EFCAB8: variants seen among roughly 807,000 people sequenced by gnomAD.
The protein encoded by EFCAB8 is EF-hand calcium-binding domain-containing protein 8.
In EFCAB8, 100 loss-of-function variants were observed where a neutral mutation model predicts 116.3. That is an observed-to-expected ratio of 0.86 (90% CI 0.73 to 1.02). The LOEUF is 1.02. EFCAB8 is among the 50% of genes least tolerant of loss of function. EFCAB8 has a pLI of 0.00. For synonymous variants in EFCAB8, 558 were observed against 567.9 expected, an observed-to-expected ratio of 0.98 and a Z score of 0.25; for missense variants, 1,320 against 1,416.9, an observed-to-expected ratio of 0.93 and a Z score of 1.10.
intron 13 of EFCAB8, 25 bp from the exon 14 acceptor site, chr20:32,908,250 G>C: frequency 8.0e-7 from 1 of 1,249,636 alleles, no homozygotes; most frequent in Non-Finnish European, 1.0e-6. Flanking sequence ...CATGCTCAGC[G>C]TCTTGCCTTT....
intron 22 of EFCAB8, among the ~76,000 whole-genome samples, chr20:32,938,238 A>G (rs891457145): frequency 6.7e-6 from 1 of 150,240 alleles, no homozygotes; most frequent in African/African-American, 2.5e-5. Flanking sequence ...AGATGCAAAA[A>G]GAGCATTTAA....
intron 23 of EFCAB8, among the ~76,000 whole-genome samples, chr20:32,951,509 A>G (rs559162170): frequency 6.6e-6 from 1 of 152,172 alleles, no homozygotes; most frequent in Non-Finnish European, 1.5e-5. Flanking sequence ...ATGCAAACAA[A>G]TGTGTAGTGT....
At chr20:32,893,357 G>A in intron 9 of EFCAB8, 59 bp downstream of exon 9, 1 of 1,546,720 alleles carries the variant, frequency 6.5e-7, no homozygotes. Flanking sequence ...TGTGGGTGCT[G>A]AGGTCATCCT....
intron 13 of EFCAB8, 89 bp from the exon 14 acceptor site, chr20:32,908,186 T>C (rs1210496069): frequency 1.1e-5 from 13 of 1,207,360 alleles, no homozygotes; most frequent in African/African-American, 1.6e-5. Flanking sequence ...TGCCCTGGCC[T>C]TGTTCGCCGG....
chr20:32,880,066 A>G (rs1306281765), intron 5 of EFCAB8, among the ~76,000 whole-genome samples: 3 of 152,114 alleles, frequency 2.0e-5, no homozygotes. Flanking sequence ...GCAGGTGGCC[A>G]GGCAGGGAGC....
intron 20 of EFCAB8, 147 bp downstream of exon 20, chr20:32,920,362 C>A: frequency 8.8e-7 from 1 of 1,134,130 alleles, no homozygotes; most frequent in Non-Finnish European, 1.2e-6. Context: ...AGGATGGAGA[C>A]GCTCAGGATA....
At chr20:32,919,510 T>C (rs954649142) in intron 19 of EFCAB8, among the ~76,000 whole-genome samples, 1 of 152,120 alleles carries the variant, frequency 6.6e-6, no homozygotes, top group Non-Finnish European at 1.5e-5. Flanking sequence ...TTATTTTTAT[T>C]TTTTGAGATG....
chr20:32,911,418 A>G (rs1266152743), intron 15 of EFCAB8, 62 bp from the exon 16 acceptor site: 49 of 1,379,712 alleles, frequency 3.6e-5, no homozygotes, highest in Non-Finnish European at 4.1e-5. Context: ...CAGGCTGGAG[A>G]CCACCCTTGG....
intron 6 of EFCAB8, among the ~76,000 whole-genome samples, chr20:32,888,121 T>C (rs533314560): frequency 6.6e-6 from 1 of 151,140 alleles, no homozygotes; most frequent in South Asian, 2.1e-4. Context: ...TGGAGTGGAG[T>C]GGTGCAATCA....
chr20:32,909,517 A>G (rs540025562), intron 14 of EFCAB8, among the ~76,000 whole-genome samples: 34 of 152,116 alleles, frequency 2.2e-4, no homozygotes, highest in Non-Finnish European at 3.7e-4. Context: ...GGCTTCCCGG[A>G]GGGAACACCT....
intron 11 of EFCAB8, among the ~76,000 whole-genome samples, chr20:32,904,992 T>TG (rs1986608827): frequency 6.6e-6 from 1 of 152,104 alleles, no homozygotes; most frequent in African/African-American, 2.4e-5. Flanking sequence ...ATGAGAGGCA[T>TG]GGGCATAGGC....
chr20:32,952,551 G>A, intron 23 of EFCAB8, among the ~76,000 whole-genome samples: 1 of 152,000 alleles, frequency 6.6e-6, no homozygotes, highest in South Asian at 2.1e-4. Context: ...TTTGTTATTG[G>A]CCACTCATAC....
chr20:32,890,796 G>A (rs559239444), intron 7 of EFCAB8, among the ~76,000 whole-genome samples: 2 of 152,376 alleles, frequency 1.3e-5, no homozygotes, highest in South Asian at 4.1e-4. Flanking sequence ...ACCTCCCAGT[G>A]CCTCGCTTTA....
At chr20:32,870,105 A>C (rs774164468) in intron 3 of EFCAB8, among the ~76,000 whole-genome samples, 1 of 152,200 alleles carries the variant, frequency 6.6e-6, no homozygotes, top group Non-Finnish European at 1.5e-5. Flanking sequence ...GAGATTTACA[A>C]CCACACTGTG....
intron 23 of EFCAB8, among the ~76,000 whole-genome samples, chr20:32,945,929 C>G (rs562179815): frequency 6.6e-6 from 1 of 152,292 alleles, no homozygotes; most frequent in South Asian, 2.1e-4. Flanking sequence ...TTCTCTAGAG[C>G]GGCTACAAGC....
chr20:32,946,553 C>A (rs1988601609), intron 23 of EFCAB8, among the ~76,000 whole-genome samples: 1 of 152,010 alleles, frequency 6.6e-6, no homozygotes, highest in South Asian at 2.1e-4. Context: ...CTGATGTCAC[C>A]CATTTTTTTG....
rs1265192426 is a variant in EFCAB8 at position 32,959,973 on chromosome 20, G to A, written c.3285G>A (p.Arg1095=). 6.4e-7 allele frequency: 1 copy of A among 1,551,540 alleles called. No individual in the cohort carries two copies. Among genetic ancestry groups the A allele is most frequent in the Non-Finnish European group, 8.7e-7 (1 of 1,146,976 alleles). ...ACAGCTGGAACAAGTGGGAGTCCAG[G>A]GACAAGCAGGTGAGGCTGGGAGGGG... The part of the protein sequence containing the change: ...IEDSWNKWES[R]DKQVSKVLGA... Residue 1095 remains arginine (R), a synonymous_variant, in exon 25 of 27, where the codon AGG becomes AGA. Transcript: ENST00000400522.
At chr20:32,933,457 C>T (rs1987984299) in intron 22 of EFCAB8, among the ~76,000 whole-genome samples, 1 of 152,180 alleles carries the variant, frequency 6.6e-6, no homozygotes, top group Non-Finnish European at 1.5e-5. Flanking sequence ...ACCTCACTTA[C>T]AATTTTTATG....
At chr20:32,879,631 G>A (rs1175955311) in intron 5 of EFCAB8, among the ~76,000 whole-genome samples, 4 of 152,164 alleles carry the variant, frequency 2.6e-5, no homozygotes, top group Admixed American at 1.3e-4. Flanking sequence ...GTTCAATGGA[G>A]GGTGGAAAGC....
Sources: allele counts gnomAD v4.1 joint callset (sites outside exome capture counted in the v4.1 genomes callset), GRCh38; gene constraint gnomAD v4.1.1; transcripts MANE v1.5; gene names NCBI Gene and HGNC (gene_info 2026-07-23, HGNC 2026-07-21).